CDH12: variants seen among roughly 807,000 people sequenced by gnomAD.
CDH12 encodes the protein cadherin-12.
A neutral mutation model predicts 74.1 loss-of-function variants in CDH12; 41 were observed. The ratio of observed to expected loss-of-function variants is 0.55; its 90% CI spans 0.43 to 0.72. The LOEUF is 0.72. Among genes scored for constraint, CDH12 ranks in the 30% least tolerant of loss-of-function variants. The pLI is 0.00. For missense variants in CDH12, 945 were observed against 977.2 expected (o/e 0.97, Z 0.44); for synonymous variants, 399 against 355.0 (o/e 1.12, Z -1.39).
chr5:22,631,639 C>T (rs999450851), intron 1 of CDH12, among the ~76,000 whole-genome samples: 1 of 152,060 alleles, frequency 6.6e-6, no homozygotes, highest in Non-Finnish European at 1.5e-5. Flanking sequence ...ACAAGGAACT[C>T]CTGAGACTGG....
intron 5 of CDH12, among the ~76,000 whole-genome samples, chr5:22,000,068 A>G (rs1013410904): frequency 6.6e-6 from 1 of 151,906 alleles, no homozygotes; most frequent in African/African-American, 2.4e-5. Flanking sequence ...GTTATTAATG[A>G]AGTTCAGTCA....
At chr5:22,345,555 TA>T (rs2150459275) in intron 3 of CDH12, among the ~76,000 whole-genome samples, 1 of 152,320 alleles carries the variant, frequency 6.6e-6, no homozygotes, top group Admixed American at 6.5e-5. Context: ...TAAATATATT[TA>T]TTAACCTATT....
intron 2 of CDH12, among the ~76,000 whole-genome samples, chr5:22,449,171 A>C (rs1486561468): frequency 6.6e-6 from 1 of 152,016 alleles, no homozygotes; most frequent in Non-Finnish European, 1.5e-5. Flanking sequence ...ACTGAAATCC[A>C]ACATAAGGCT....
intron 4 of CDH12, among the ~76,000 whole-genome samples, chr5:22,128,436 T>C (rs1342602543): frequency 6.6e-6 from 1 of 152,054 alleles, no homozygotes; most frequent in Non-Finnish European, 1.5e-5. Flanking sequence ...TTTTGTTACC[T>C]GCTCATAGGA....
chr5:22,421,304 C>T (rs574200446), intron 2 of CDH12, among the ~76,000 whole-genome samples: 3 of 152,258 alleles, frequency 2.0e-5, no homozygotes, highest in South Asian at 2.1e-4. Flanking sequence ...CTGTCATCTA[C>T]ATTAGGTATT....
chr5:21,908,073 T>C (rs902969798), intron 6 of CDH12, among the ~76,000 whole-genome samples: 1 of 152,100 alleles, frequency 6.6e-6, no homozygotes, highest in Non-Finnish European at 1.5e-5. Flanking sequence ...TTTATGGTAT[T>C]TAGGTTGAGG....
intron 4 of CDH12, among the ~76,000 whole-genome samples, chr5:22,099,530 T>C (rs1034553733): frequency 3.3e-5 from 5 of 152,152 alleles, no homozygotes; most frequent in African/African-American, 1.2e-4. Context: ...CCCAGTCTCA[T>C]TCCAGACACC....
At chr5:22,668,292 C>T (rs1740723280) in intron 1 of CDH12, among the ~76,000 whole-genome samples, 1 of 152,110 alleles carries the variant, frequency 6.6e-6, no homozygotes, top group African/African-American at 2.4e-5. Context: ...CCCAACCCCA[C>T]CATACACATG....
chr5:22,792,226 T>A (rs1747950885), intron 1 of CDH12, among the ~76,000 whole-genome samples: 1 of 151,724 alleles, frequency 6.6e-6, no homozygotes, highest in Non-Finnish European at 1.5e-5. Flanking sequence ...GTAGCTGGGA[T>A]TACAGGTGCC....
At chr5:21,896,160 A>G (rs1367544167) in intron 6 of CDH12, among the ~76,000 whole-genome samples, 1 of 152,226 alleles carries the variant, frequency 6.6e-6, no homozygotes, top group Non-Finnish European at 1.5e-5. Context: ...AATGACAGCC[A>G]GCTTAATCAA....
intron 5 of CDH12, among the ~76,000 whole-genome samples, chr5:22,042,916 A>G (rs7378898): frequency 0.98 from 142,398 of 145,598 alleles, 69,729 homozygotes; most frequent in East Asian, 1. Flanking sequence ...AAAAAAATTC[A>G]TAATAGACCT....
chr5:22,532,183 G>A (rs1369382902), intron 1 of CDH12, among the ~76,000 whole-genome samples: 1 of 150,724 alleles, frequency 6.6e-6, no homozygotes, highest in Non-Finnish European at 1.5e-5. Context: ...GCTCGCCCTG[G>A]CACAGTTACA....
chr5:22,461,104 G>T (rs1745498303), intron 2 of CDH12, among the ~76,000 whole-genome samples: 1 of 138,228 alleles, frequency 7.2e-6, no homozygotes, highest in African/African-American at 2.8e-5. Context: ...CACGATCTCG[G>T]CTCACTGCAA....
At chr5:21,934,993 A>G (rs535844356) in intron 6 of CDH12, among the ~76,000 whole-genome samples, 1 of 152,196 alleles carries the variant, frequency 6.6e-6, no homozygotes, top group Non-Finnish European at 1.5e-5. Context: ...TCATCGTGTT[A>G]GCCAGGATGG....
intron 5 of CDH12, among the ~76,000 whole-genome samples, chr5:22,073,567 G>A (rs1561082172): frequency 1.3e-5 from 2 of 152,068 alleles, no homozygotes; most frequent in African/African-American, 4.8e-5. Context: ...TGCAGATAAA[G>A]TTAATTTATT....
At chr5:22,359,812 A>G (rs1404611452) in intron 3 of CDH12, among the ~76,000 whole-genome samples, 1 of 152,156 alleles carries the variant, frequency 6.6e-6, no homozygotes, top group Non-Finnish European at 1.5e-5. Flanking sequence ...AAACTGAACA[A>G]CCTGCTCCTG....
intron 6 of CDH12, among the ~76,000 whole-genome samples, chr5:21,972,672 A>C (rs1029269215): frequency 3.3e-5 from 5 of 152,092 alleles, no homozygotes; most frequent in African/African-American, 4.8e-5. Flanking sequence ...AGATACCACA[A>C]CTATAATTGG....
chr5:22,471,838 T>A (rs1380840272), intron 2 of CDH12, among the ~76,000 whole-genome samples: 1 of 152,204 alleles, frequency 6.6e-6, no homozygotes, highest in Non-Finnish European at 1.5e-5. Flanking sequence ...ATTATTTTAC[T>A]CCAGATTGTG....
At chr5:22,678,698 G>A (rs913573976) in intron 1 of CDH12, among the ~76,000 whole-genome samples, 4 of 151,944 alleles carry the variant, frequency 2.6e-5, no homozygotes, top group African/African-American at 9.7e-5. Context: ...AACTTCTTTA[G>A]TACTAGATAT....
Sources: allele counts gnomAD v4.1 joint callset (sites outside exome capture counted in the v4.1 genomes callset), GRCh38; gene constraint gnomAD v4.1.1; transcripts MANE v1.5; gene names NCBI Gene and HGNC (gene_info 2026-07-23, HGNC 2026-07-21).